Variants in GOLIM4 observed in about 807,000 individuals in gnomAD.
GOLIM4 encodes the protein 130 kDa golgi-localized phosphoprotein.
A neutral mutation model predicts 107.4 loss-of-function variants in GOLIM4; 71 were observed. That is an observed-to-expected ratio of 0.66 (90% CI 0.55 to 0.81). The LOEUF is 0.81. GOLIM4 is among the 30% of genes least tolerant of loss of function. The pLI, the probability that GOLIM4 is intolerant of heterozygous loss-of-function variation, is 0.00. For missense variants in GOLIM4, 830 were observed against 826.1 expected, an observed-to-expected ratio of 1.00 and a Z score of -0.06; for synonymous variants, 327 against 294.8, an observed-to-expected ratio of 1.11 and a Z score of -1.12.
chr3:168,031,492 T>C (rs1032931306), intron 9 of GOLIM4, among the ~76,000 whole-genome samples: 32 of 152,132 alleles, frequency 2.1e-4, no homozygotes, highest in African/African-American at 7.7e-4. Context: ...ATAAAAAGTG[T>C]CTGTACCCCA....
At chr3:168,052,050 G>C (rs1161574993) in intron 1 of GOLIM4, among the ~76,000 whole-genome samples, 4 of 152,060 alleles carry the variant, frequency 2.6e-5, no homozygotes, top group Non-Finnish European at 5.9e-5. Context: ...CTTGATGCCT[G>C]GGTTAAAATC....
chr3:168,079,571 T>C (rs957731678), intron 1 of GOLIM4, among the ~76,000 whole-genome samples: 1 of 152,208 alleles, frequency 6.6e-6, no homozygotes, highest in Non-Finnish European at 1.5e-5. Context: ...CAAAGTTGAA[T>C]AAGTAAAATG....
Position 168,095,552 on chromosome 3 carries a change from C to A in GOLIM4, c.-267G>T. 2.2e-6 allele frequency: 1 copy of A among 455,132 alleles called. No individual in the cohort carries two copies. Among genetic ancestry groups the A allele is most frequent in the East Asian group, 4.6e-5 (1 of 21,976 alleles). 28.2% of individuals were successfully genotyped at this position (455,132 alleles called of 1,614,324 possible). ...GAATGCCCGGGGCCGGGAGGAGGCC[C>A]TCCGCATACTTCAGAGCCGGCTGCC... On this transcript the variant is annotated 5_prime_UTR_variant, in exon 1 of 16. The change creates a new upstream start codon in the 5' untranslated region. Coordinates refer to ENST00000470487, the MANE Select transcript of GOLIM4 (RefSeq NM_014498.5).
At chr3:168,035,866 C>G (rs573595143) in intron 8 of GOLIM4, among the ~76,000 whole-genome samples, 2 of 150,084 alleles carry the variant, frequency 1.3e-5, no homozygotes, top group Non-Finnish European at 3.0e-5. Context: ...AAAAAAACAA[C>G]CTTTGTAGAA....
chr3:168,074,373 C>G, intron 1 of GOLIM4, among the ~76,000 whole-genome samples: 1 of 152,124 alleles, frequency 6.6e-6, no homozygotes, highest in East Asian at 1.9e-4. Context: ...AGGAAAAAGC[C>G]TTTCTAAATA....
chr3:168,052,719 A>C (rs1418627860), intron 1 of GOLIM4, among the ~76,000 whole-genome samples: 2 of 152,120 alleles, frequency 1.3e-5, no homozygotes, highest in Non-Finnish European at 2.9e-5. Flanking sequence ...AGCTAGGTTT[A>C]CTGTTTCACT....
chr3:168,028,544 T>G (rs1718136429), intron 11 of GOLIM4, among the ~76,000 whole-genome samples: 1 of 152,168 alleles, frequency 6.6e-6, no homozygotes. Flanking sequence ...AGCCTTCAAG[T>G]GCACAAAGGG....
chr3:168,048,324 T>C lies in GOLIM4; in HGVS notation c.229A>G (p.Lys77Glu). The change falls in exon 2 of 16, where the codon AAA becomes GAA. Residue 77 changes from lysine (K) to glutamate (E), a missense_variant. By Grantham distance (56) the Lys-to-Glu change is moderately conservative. Coordinates refer to ENST00000470487, the MANE Select transcript of GOLIM4 (RefSeq NM_014498.5). Reference protein sequence around the residue: ...HRSRLEKSLQKERLEHKKAKE... With the variant: ...HRSRLEKSLQEERLEHKKAKE... ...GCTTTTTTATGTTCAAGTCTTTCTTTTTGCAAGGATTTCTCTAATCTTGAT... is the reference window on the plus strand; with the variant it reads ...GCTTTTTTATGTTCAAGTCTTTCTTCTTGCAAGGATTTCTCTAATCTTGAT... The C allele has an allele frequency of 6.5e-7, 1 of 1,538,628 alleles. No individual in the cohort carries two copies. Among genetic ancestry groups the C allele is most frequent in the Non-Finnish European group, 8.9e-7 (1 of 1,118,996 alleles).
chr3:168,078,059 A>G (rs868292983), intron 1 of GOLIM4, among the ~76,000 whole-genome samples: 4 of 152,052 alleles, frequency 2.6e-5, no homozygotes, highest in Non-Finnish European at 4.4e-5. Flanking sequence ...ACCAGTATGA[A>G]TCTTGAATTT....
intron 1 of GOLIM4, among the ~76,000 whole-genome samples, chr3:168,051,679 A>G (rs1373214558): frequency 6.6e-6 from 1 of 152,238 alleles, no homozygotes; most frequent in East Asian, 1.9e-4. Flanking sequence ...TAATTGTGCT[A>G]TTAATACTAT....
At chr3:168,075,453 C>T (rs973953709) in intron 1 of GOLIM4, among the ~76,000 whole-genome samples, 10 of 151,332 alleles carry the variant, frequency 6.6e-5, no homozygotes, top group East Asian at 3.9e-4. Flanking sequence ...CCCGCCACTA[C>T]GCCCGGCTAA....
intron 5 of GOLIM4, among the ~76,000 whole-genome samples, chr3:168,041,677 A>G (rs1719011118): frequency 6.6e-6 from 1 of 152,198 alleles, no homozygotes; most frequent in Non-Finnish European, 1.5e-5. Context: ...ACTCTGGTTC[A>G]GTACTTTAAA....
In GOLIM4 at chr3:168,015,694, T is replaced by G. The variant is rs887546158; in HGVS notation, c.1861-4871A>C. On this transcript the variant is annotated intron_variant, in intron 14 of 15. Transcript: ENST00000470487. ...CATGGTACTGGTACCAAAAGAGAGA[T>G]ATAGATCAATGGAACAGAACAGAGC... 1.7e-3 allele frequency among the ~76,000 whole-genome samples: 228 copies of G among 135,794 alleles called. 12 individuals are homozygous for G. In the East Asian group the frequency reaches 0.019, roughly 11 times the overall value. The allele number at this position is 135,794 out of a possible 152,430, so 89.1% of individuals were successfully genotyped here.
chr3:168,010,865 C>T (rs1716971010), intron 14 of GOLIM4, 42 bp from the exon 15 acceptor site: 3 of 1,254,368 alleles, frequency 2.4e-6, no homozygotes, highest in Non-Finnish European at 3.5e-6. Context: ...TTTTGTCTTT[C>T]AAGCACTTGC....
chr3:168,048,279 G>C lies in GOLIM4; in HGVS notation c.262+12C>G, dbSNP rs765768086. The stretch of plus-strand genomic sequence containing the variant: ...TGGAAAAACACAGAACACAAATTAT[G>C]TATTTACTTACCTTCCTTTGCTTTT... On this transcript the variant is annotated intron_variant, in intron 2 of 15. Coordinates refer to ENST00000470487, the MANE Select transcript of GOLIM4 (RefSeq NM_014498.5). The C allele has an allele frequency of 8.6e-6, 11 of 1,282,422 alleles. No homozygotes were observed. In the Admixed American group the frequency reaches 1.1e-4, roughly 13 times the overall value. 79.4% of individuals were successfully genotyped at this position (1,282,422 alleles called of 1,614,324 possible).
intron 1 of GOLIM4, among the ~76,000 whole-genome samples, chr3:168,083,413 C>T (rs558707310): frequency 5.3e-5 from 8 of 152,140 alleles, no homozygotes; most frequent in Non-Finnish European, 8.8e-5. Flanking sequence ...TTTGAAACTT[C>T]CCAAGGACAT....
chr3:168,052,329 T>A (rs1445371780), intron 1 of GOLIM4, among the ~76,000 whole-genome samples: 1 of 151,990 alleles, frequency 6.6e-6, no homozygotes, highest in Admixed American at 6.6e-5. Context: ...AAAGTAATCA[T>A]ATGTATGTGT....
chr3:168,066,602 A>G (rs369354893), intron 1 of GOLIM4, among the ~76,000 whole-genome samples: 2 of 152,140 alleles, frequency 1.3e-5, no homozygotes, highest in East Asian at 1.9e-4. Flanking sequence ...ATATATTCAG[A>G]AAAAAAGTGT....
chr3:168,023,141 C>T (rs1717806492), intron 14 of GOLIM4, among the ~76,000 whole-genome samples: 3 of 152,148 alleles, frequency 2.0e-5, no homozygotes, highest in South Asian at 4.2e-4. Flanking sequence ...AAAAAAGAAG[C>T]CAAGGTGAAC....
Sources: allele counts gnomAD v4.1 joint callset (sites outside exome capture counted in the v4.1 genomes callset), GRCh38; gene constraint gnomAD v4.1.1; transcripts MANE v1.5; gene names NCBI Gene and HGNC (gene_info 2026-07-23, HGNC 2026-07-21).